Variants in FHIT observed in about 807,000 individuals in gnomAD.
The protein encoded by FHIT is bis(5'-adenosyl)-triphosphatase.
A neutral mutation model predicts 17.9 loss-of-function variants in FHIT; 19 were observed. That is an observed-to-expected ratio of 1.06 (90% CI 0.74 to 1.56). The LOEUF is 1.56. Ranked by LOEUF, FHIT falls within the 40% of genes most tolerant of loss-of-function variation. The probability of loss-of-function intolerance (pLI) is 0.00; values close to 1 mark genes in which losing one functional copy is unlikely to be tolerated. For synonymous variants in FHIT, 81 were observed against 69.7 expected (o/e 1.16, Z -0.81); for missense variants, 248 against 189.2 (o/e 1.31, Z -1.82).
At chr3:60,347,933 A>G (rs890634823) in intron 5 of FHIT, among the ~76,000 whole-genome samples, 1 of 151,852 alleles carries the variant, frequency 6.6e-6, no homozygotes, top group Non-Finnish European at 1.5e-5. Flanking sequence ...TAATTTTTGC[A>G]TTTTTACTAA....
intron 2 of FHIT, among the ~76,000 whole-genome samples, chr3:61,053,757 A>C (rs1206072098): frequency 1.3e-5 from 2 of 152,202 alleles, no homozygotes; most frequent in Non-Finnish European, 2.9e-5. Context: ...TCAAACCCAT[A>C]GCTTCTCTGG....
intron 5 of FHIT, among the ~76,000 whole-genome samples, chr3:60,235,371 C>G (rs1440645393): frequency 6.6e-6 from 1 of 151,832 alleles, no homozygotes; most frequent in African/African-American, 2.4e-5. Context: ...GCTGGGATTA[C>G]AGGCACCCAT....
At chr3:61,041,906 C>T (rs1007203384) in intron 3 of FHIT, 141 bp downstream of exon 3, 1 of 152,188 alleles carries the variant, frequency 6.6e-6, no homozygotes, top group Non-Finnish European at 1.5e-5. Flanking sequence ...AATGTGAGAA[C>T]TGAAGGCTGT....
intron 5 of FHIT, among the ~76,000 whole-genome samples, chr3:60,412,708 G>T (rs1241926760): frequency 6.6e-6 from 1 of 152,166 alleles, no homozygotes; most frequent in Non-Finnish European, 1.5e-5. Context: ...AACTGATATG[G>T]TTTGGCTCTG....
At chr3:60,313,356 T>C (rs1709030304) in intron 5 of FHIT, among the ~76,000 whole-genome samples, 1 of 152,194 alleles carries the variant, frequency 6.6e-6, no homozygotes. Flanking sequence ...AGCAACCGCA[T>C]TTATATTGTC....
chr3:61,191,912 G>A lies in FHIT; in HGVS notation c.-164+8705C>T, dbSNP rs563692266. On this transcript the variant is annotated intron_variant, in intron 2 of 9. Coordinates refer to ENST00000492590, the MANE Select transcript of FHIT (RefSeq NM_002012.4). ...AGCCACCAGGGATGAGCCCCATTCCGCGTGCCAGTGTCTGATTTAGGAAGG... is the reference window on the plus strand; with the variant it reads ...AGCCACCAGGGATGAGCCCCATTCCACGTGCCAGTGTCTGATTTAGGAAGG... Among the ~76,000 whole-genome samples the A allele has an allele frequency of 1.2e-4, 19 of 152,238 alleles. No homozygotes were observed. The South Asian group carries it at 1.9e-3, about 15-fold the overall frequency.
At chr3:60,232,373 G>A (rs189736467) in intron 5 of FHIT, among the ~76,000 whole-genome samples, 220 of 152,242 alleles carry the variant, frequency 1.4e-3, no homozygotes, top group African/African-American at 5.1e-3. Flanking sequence ...AAGAACAGGA[G>A]CAATTTCTTC....
intron 3 of FHIT, among the ~76,000 whole-genome samples, chr3:60,993,081 C>A (rs2030386102): frequency 6.6e-6 from 1 of 152,146 alleles, no homozygotes; most frequent in South Asian, 2.1e-4. Flanking sequence ...ATCATCACAA[C>A]CTGAAATTCA....
intron 7 of FHIT, among the ~76,000 whole-genome samples, chr3:59,944,024 T>C (rs1706671346): frequency 6.6e-6 from 1 of 152,228 alleles, no homozygotes; most frequent in Non-Finnish European, 1.5e-5. Flanking sequence ...GTCCTAGGAC[T>C]CAGTACTAGG....
chr3:60,351,504 G>A (rs58389255), intron 5 of FHIT, among the ~76,000 whole-genome samples: 1,962 of 152,262 alleles, frequency 0.013, 38 homozygotes, highest in African/African-American at 0.046. Flanking sequence ...GTCAAGAGCA[G>A]GGTCAGGGAA....
At chr3:60,660,572 A>G (rs1475015859) in intron 4 of FHIT, among the ~76,000 whole-genome samples, 2 of 152,038 alleles carry the variant, frequency 1.3e-5, no homozygotes, top group Non-Finnish European at 2.9e-5. Context: ...GTGAGGAGAT[A>G]CATTCCTGGT....
Position 61,077,465 on chromosome 3 carries a change from A to C in FHIT, c.-163-35366T>G, listed in dbSNP as rs575113910. Among the ~76,000 whole-genome samples, 268 of 152,170 alleles carry C rather than the reference A, an allele frequency of 1.8e-3. 1 individual carries two copies. Among genetic ancestry groups the C allele is most frequent in the Admixed American group, 2.9e-3 (45 of 15,296 alleles). ...AAAGCCTTCAAGTCAATTATTAAAAAAAACAAACAAACAAACAAACAAAAA... is the reference window on the plus strand; with the variant it reads ...AAAGCCTTCAAGTCAATTATTAAAACAAACAAACAAACAAACAAACAAAAA... On this transcript the variant is annotated intron_variant, in intron 2 of 9. Transcript: ENST00000492590.
chr3:60,368,195 T>TAA (rs763718560), intron 5 of FHIT, among the ~76,000 whole-genome samples: 4 of 140,810 alleles, frequency 2.8e-5, no homozygotes, highest in South Asian at 2.4e-4. Context: ...CATATCTTTT[T>TAA]AAAAAAAAAA....
intron 8 of FHIT, among the ~76,000 whole-genome samples, chr3:59,847,206 C>CA (rs1314360651): frequency 6.6e-6 from 1 of 152,114 alleles, no homozygotes; most frequent in African/African-American, 2.4e-5. Flanking sequence ...CTGGGGCTCT[C>CA]ACAATGCATA....
intron 5 of FHIT, among the ~76,000 whole-genome samples, chr3:60,077,921 A>G (rs558713719): frequency 6.6e-6 from 1 of 152,204 alleles, no homozygotes; most frequent in East Asian, 1.9e-4. Flanking sequence ...TTATGTAGTA[A>G]CCATCTTATT....
intron 5 of FHIT, among the ~76,000 whole-genome samples, chr3:60,075,894 A>G (rs758924525): frequency 1.3e-5 from 2 of 152,064 alleles, no homozygotes; most frequent in Non-Finnish European, 2.9e-5. Flanking sequence ...TTTTGATCTT[A>G]AGATGGCTTT....
In FHIT at chr3:60,539,887, A is replaced by G. The variant is rs544630110; in HGVS notation, c.-17-2908T>C. ...GCACACCAACATGGTACATGTATAC[A>G]TATGTAACAAACCTGCATGTTGTGC... On this transcript the variant is annotated intron_variant, in intron 4 of 9. Transcript: ENST00000492590. 3.3e-5 allele frequency among the ~76,000 whole-genome samples: 5 copies of G among 152,108 alleles called. No individual in the cohort carries two copies. In the East Asian group the frequency reaches 7.7e-4, roughly 23 times the overall value.
chr3:60,981,981 G>A (rs545343061), intron 3 of FHIT, among the ~76,000 whole-genome samples: 17 of 152,150 alleles, frequency 1.1e-4, no homozygotes, highest in African/African-American at 3.9e-4. Flanking sequence ...ACTCCATCTC[G>A]GCAGATACCC....
At chr3:60,790,979 G>A (rs1348966089) in intron 4 of FHIT, among the ~76,000 whole-genome samples, 3 of 152,102 alleles carry the variant, frequency 2.0e-5, no homozygotes, top group Non-Finnish European at 2.9e-5. Context: ...GTAGAAAATC[G>A]TCTGTTTTTT....
Sources: allele counts gnomAD v4.1 joint callset (sites outside exome capture counted in the v4.1 genomes callset), GRCh38; gene constraint gnomAD v4.1.1; transcripts MANE v1.5; gene names NCBI Gene and HGNC (gene_info 2026-07-23, HGNC 2026-07-21).